The following LMF1 variants were observed in gnomAD, a reference collection of about 807,000 sequenced individuals.
LMF1 encodes lipase maturation factor 1, also known as transmembrane protein 112.
LMF1 carries 68 observed loss-of-function variants against 60.6 expected under a neutral mutation model. The ratio of observed to expected loss-of-function variants is 1.12; its 90% CI spans 0.92 to 1.37. The LOEUF (loss-of-function observed/expected upper bound fraction) is 1.37, where lower values mean the gene tolerates loss of function less well. Among genes scored for constraint, LMF1 ranks in the 40% most tolerant of loss-of-function variants. The pLI is 0.00. For missense variants in LMF1, 948 were observed against 767.2 expected, an observed-to-expected ratio of 1.24 and a Z score of -2.78; for synonymous variants, 418 against 324.7, an observed-to-expected ratio of 1.29 and a Z score of -3.09.
In LMF1 at chr16:953,514, CCCCAAACCA is replaced by C. The variant is rs1567310167; in HGVS notation, c.503+834_503+842del. ...AGCCTCCTGCACGTCCACACAGACA[CCCCAAACCA>C]GCCTCCTACATATCCACACAGACAC... On this transcript the variant is annotated intron_variant, in intron 2 of 10. Coordinates refer to ENST00000262301, the MANE Select transcript of LMF1 (RefSeq NM_022773.4). Among the ~76,000 whole-genome samples the C allele has an allele frequency of 9.2e-4, 9 of 9,756 alleles. 4 individuals carry two copies. Among genetic ancestry groups the C allele is most frequent in the East Asian group, 0.05 (2 of 40 alleles). The allele number at this position is 9,756 out of a possible 152,430, so 6.4% of individuals were successfully genotyped here.
intron 2 of LMF1, among the ~76,000 whole-genome samples, chr16:952,971 C>T (rs1489252413): frequency 2.3e-5 from 1 of 43,566 alleles, no homozygotes; most frequent in Non-Finnish European, 3.9e-5. Context: ...ACAGACACCC[C>T]AAACCAGCCT....
chr16:859,943 G>GGGATGGGTGTGCAGTGATGGTACC (rs1305588008), intron 10 of LMF1, among the ~76,000 whole-genome samples: 1 of 126,460 alleles, frequency 7.9e-6, no homozygotes, highest in Non-Finnish European at 1.5e-5. Context: ...GTGGTGTCAC[G>GGGATGGGTGTGCAGTGATGGTACC]GGATGGGTGT....
At chr16:929,346 A>T (rs550683012) in intron 3 of LMF1, among the ~76,000 whole-genome samples, 167 of 152,076 alleles carry the variant, frequency 1.1e-3, no homozygotes, top group African/African-American at 3.8e-3. Context: ...CCCATGGGGG[A>T]CGGGGACCAC....
intron 2 of LMF1, among the ~76,000 whole-genome samples, chr16:942,355 A>G (rs2072122111): frequency 6.6e-6 from 1 of 152,264 alleles, no homozygotes; most frequent in Admixed American, 6.5e-5. Flanking sequence ...TTTGACTACA[A>G]TGTGCCCAGA....
At chr16:890,423 GGCCCC>G (rs2070449176) in intron 5 of LMF1, among the ~76,000 whole-genome samples, 1 of 152,140 alleles carries the variant, frequency 6.6e-6, no homozygotes, top group South Asian at 2.1e-4. Context: ...GAGCCGGCCC[GGCCCC>G]CCGAGACAGC....
At chr16:981,345 AGAGTGTGTGTGT>A (rs1248756827), upstream of LMF1, 25 of 187,800 alleles carry the variant, frequency 1.3e-4, no homozygotes, top group East Asian at 9.6e-4. Flanking sequence ...AGAGAGAGAG[AGAGTGTGTGTGT>A]GTGTGTGTGT....
intron 10 of LMF1, 46 bp from the exon 11 acceptor site, chr16:854,752 C>A: frequency 1.3e-6 from 2 of 1,516,968 alleles, no homozygotes; most frequent in South Asian, 1.2e-5. Flanking sequence ...GGACTCCCGG[C>A]CCCCGACCCG....
At chr16:928,005 G>C (rs2071659762) in intron 3 of LMF1, among the ~76,000 whole-genome samples, 1 of 152,218 alleles carries the variant, frequency 6.6e-6, no homozygotes, top group Non-Finnish European at 1.5e-5. Flanking sequence ...AAACCCAGGA[G>C]GGGCCTGGTA....
At chr16:979,231 G>A (rs1369202140) in intron 1 of LMF1, 9 of 383,302 alleles carry the variant, frequency 2.3e-5, no homozygotes, top group South Asian at 3.8e-5. Context: ...CGCGGAGGAC[G>A]AGGTCATTTT....
intron 3 of LMF1, among the ~76,000 whole-genome samples, chr16:918,915 C>T (rs572446331): frequency 3.9e-4 from 50 of 129,248 alleles, no homozygotes; most frequent in African/African-American, 1.2e-3. Context: ...CTGGGGTGGG[C>T]GCCTGCTCAG....
chr16:928,628 C>A (rs2071679057), intron 3 of LMF1, among the ~76,000 whole-genome samples: 1 of 152,092 alleles, frequency 6.6e-6, no homozygotes, highest in Admixed American at 6.5e-5. Flanking sequence ...GGCCTCCAGC[C>A]CCTCCCCACA....
intron 1 of LMF1, among the ~76,000 whole-genome samples, chr16:955,937 G>GCACCCACCCCA (rs1567319292): frequency 1.1e-4 from 16 of 152,150 alleles, no homozygotes; most frequent in African/African-American, 3.9e-4. Flanking sequence ...ACGTCTCACG[G>GCACCCACCCCA]CGCCCACCCC....
intron 1 of LMF1, among the ~76,000 whole-genome samples, chr16:978,530 G>A (rs1248950922): frequency 6.6e-6 from 1 of 152,110 alleles, no homozygotes. Context: ...CCAGGCCAGG[G>A]CATGTGGAGC....
At chr16:889,500 C>T (rs1291217729) in intron 5 of LMF1, among the ~76,000 whole-genome samples, 5 of 152,242 alleles carry the variant, frequency 3.3e-5, no homozygotes, top group Admixed American at 1.3e-4. Flanking sequence ...GAGGCATCCC[C>T]GGGGTGCATG....
intron 8 of LMF1, 102 bp from the exon 9 acceptor site, chr16:870,168 G>T (rs908801133): frequency 7.4e-7 from 1 of 1,346,262 alleles, no homozygotes; most frequent in Non-Finnish European, 1.0e-6. Flanking sequence ...CCTGGCCCAG[G>T]GGGAGGGCTA....
intron 10 of LMF1, among the ~76,000 whole-genome samples, chr16:862,408 T>C (rs1295941301): frequency 6.6e-6 from 1 of 152,142 alleles, no homozygotes; most frequent in Non-Finnish European, 1.5e-5. Flanking sequence ...CCTCCCAAAG[T>C]GTTGGGATTA....
At position 854,706 on chromosome 16, in the gene LMF1, C is replaced by T. The variant is rs200676184; in HGVS notation, c.1530G>A (p.Arg510=). ...ACCTGTAGTGCTCTCCTCGGACCCA[C>T]CTGCAAGGGGGCACATGTCAGCCCA... ...HNPFAGRPPP[R]WVRGEHYRYK... The change falls in exon 11 of 11, where the codon AGG becomes AGA. Residue 510 remains arginine, a splice_region_variant and synonymous_variant. Transcript: ENST00000262301. The T allele has an allele frequency of 7.4e-5, 118 of 1,585,434 alleles. No homozygotes were observed. The African/African-American group carries it at 1.5e-3, about 20-fold the overall frequency.
chr16:948,531 G>C (rs1333876796), intron 2 of LMF1, among the ~76,000 whole-genome samples: 1 of 151,338 alleles, frequency 6.6e-6, no homozygotes, highest in Non-Finnish European at 1.5e-5. Context: ...CAACGACAGA[G>C]TCAGCCAATG....
In LMF1 at chr16:954,363, T is replaced by C; in HGVS notation, c.497A>G (p.His166Arg). The C allele has an allele frequency of 6.2e-7, 1 of 1,611,788 alleles. No homozygotes were observed. Residue 166 changes from histidine to arginine, a missense_variant, in exon 2 of 11, where the codon CAT becomes CGT. Coordinates refer to ENST00000262301, the MANE Select transcript of LMF1 (RefSeq NM_022773.4). ...GLYMSLVNVGHVWYSFGWESQ... is the reference protein window; with the variant it reads ...GLYMSLVNVGRVWYSFGWESQ... ...CCCCATTCCTGCTACTCACCAGACATGGCCCACATTAACCAGGGACATGTA... is the reference window on the plus strand; with the variant it reads ...CCCCATTCCTGCTACTCACCAGACACGGCCCACATTAACCAGGGACATGTA...
Sources: allele counts gnomAD v4.1 joint callset (sites outside exome capture counted in the v4.1 genomes callset), GRCh38; gene constraint gnomAD v4.1.1; transcripts MANE v1.5; gene names NCBI Gene and HGNC (gene_info 2026-07-23, HGNC 2026-07-21).